Variants in PTPRD observed in about 807,000 individuals in gnomAD.
PTPRD encodes receptor-type tyrosine-protein phosphatase delta.
A neutral mutation model predicts 214.5 loss-of-function variants in PTPRD; 34 were observed. The ratio of observed to expected loss-of-function variants is 0.16; its 90% CI spans 0.12 to 0.21. PTPRD has a LOEUF of 0.21. Among genes scored for constraint, PTPRD ranks in the 10% least tolerant of loss-of-function variants. PTPRD has a pLI of 1.00. For synonymous variants in PTPRD, 1,128 were observed against 845.7 expected, an observed-to-expected ratio of 1.33 and a Z score of -5.79; for missense variants, 2,545 against 2,398.7, an observed-to-expected ratio of 1.06 and a Z score of -1.27.
At position 9,623,251 on chromosome 9, in the gene PTPRD, A is replaced by T. The variant is rs531018700; in HGVS notation, c.-286-48470T>A. On this transcript the variant is annotated intron_variant, in intron 7 of 45. Transcript: ENST00000381196. ...TATGAATCAAGAAACAGAGACTTAAAAGAAACTGGGTGGTTCTTTCAGTTT... is the reference window on the plus strand; with the variant it reads ...TATGAATCAAGAAACAGAGACTTAATAGAAACTGGGTGGTTCTTTCAGTTT... Among the ~76,000 whole-genome samples, 58 of 152,342 alleles carry T rather than the reference A, an allele frequency of 3.8e-4. 1 individual carries two copies. Among genetic ancestry groups the T allele is most frequent in the Non-Finnish European group, 7.4e-4 (50 of 68,022 alleles).
At chr9:9,437,392 G>T (rs933914254) in intron 8 of PTPRD, among the ~76,000 whole-genome samples, 1 of 152,042 alleles carries the variant, frequency 6.6e-6, no homozygotes, top group Non-Finnish European at 1.5e-5. Flanking sequence ...GGAGCTATTG[G>T]CTAGATGGCT....
intron 14 of PTPRD, among the ~76,000 whole-genome samples, chr9:8,543,036 G>A (rs1458640511): frequency 1.3e-5 from 2 of 152,168 alleles, no homozygotes; most frequent in Admixed American, 6.5e-5. Context: ...AATAATTTGA[G>A]TTGTGTTCCT....
chr9:9,758,531 C>T (rs1382365997), intron 6 of PTPRD, among the ~76,000 whole-genome samples: 1 of 152,102 alleles, frequency 6.6e-6, no homozygotes, highest in African/African-American at 2.4e-5. Flanking sequence ...GTGTGAGTTC[C>T]AGGTTCTCAG....
At chr9:9,592,118 A>G (rs146810659) in intron 7 of PTPRD, among the ~76,000 whole-genome samples, 51 of 152,142 alleles carry the variant, frequency 3.4e-4, no homozygotes, top group African/African-American at 1.0e-3. Context: ...TCTCAAAATT[A>G]TTTAGCCATT....
chr9:8,335,577 T>G (rs1253373065), intron 43 of PTPRD, among the ~76,000 whole-genome samples: 1 of 152,156 alleles, frequency 6.6e-6, no homozygotes, highest in Non-Finnish European at 1.5e-5. Flanking sequence ...CTTTGAAAAC[T>G]GGCACAAGAC....
At chr9:10,340,076 T>A (rs1343917885) in intron 3 of PTPRD, among the ~76,000 whole-genome samples, 1 of 151,708 alleles carries the variant, frequency 6.6e-6, no homozygotes, top group African/African-American at 2.4e-5. Flanking sequence ...ATACATCTCA[T>A]CCAAAAAAAT....
intron 5 of PTPRD, among the ~76,000 whole-genome samples, chr9:9,889,531 C>T (rs1487498276): frequency 6.6e-5 from 10 of 152,118 alleles, no homozygotes. Context: ...GCCCAGAGAA[C>T]ACCAAGCCTC....
chr9:10,344,406 G>C (rs2097022544), intron 2 of PTPRD, among the ~76,000 whole-genome samples: 1 of 152,088 alleles, frequency 6.6e-6, no homozygotes, highest in Non-Finnish European at 1.5e-5. Context: ...TTTGGTACCA[G>C]CACCATGCTG....
intron 9 of PTPRD, among the ~76,000 whole-genome samples, chr9:9,318,906 T>C (rs1398216790): frequency 2.0e-5 from 3 of 152,186 alleles, no homozygotes; most frequent in African/African-American, 4.8e-5. Flanking sequence ...GATTCATGCA[T>C]TGATTTATGC....
chr9:10,278,087 G>A (rs1267323871), intron 3 of PTPRD, among the ~76,000 whole-genome samples: 2 of 151,726 alleles, frequency 1.3e-5, no homozygotes, highest in African/African-American at 4.8e-5. Flanking sequence ...GTGAACTTGG[G>A]AGGTGGAGCG....
intron 44 of PTPRD, among the ~76,000 whole-genome samples, chr9:8,328,017 C>G (rs893040771): frequency 6.6e-6 from 1 of 152,150 alleles, no homozygotes; most frequent in Non-Finnish European, 1.5e-5. Flanking sequence ...AGCCTATTTA[C>G]ATTTAAGGTT....
At chr9:9,083,758 T>C (rs1385665572) in intron 10 of PTPRD, among the ~76,000 whole-genome samples, 30 of 152,180 alleles carry the variant, frequency 2.0e-4, no homozygotes, top group Admixed American at 2.0e-3. Flanking sequence ...GAATAGACAC[T>C]TCTCAAAAGA....
intron 9 of PTPRD, among the ~76,000 whole-genome samples, chr9:9,358,448 A>C (rs533205145): frequency 1.3e-5 from 2 of 151,308 alleles, no homozygotes; most frequent in East Asian, 3.9e-4. Flanking sequence ...ATATTCCTGG[A>C]AACATTTTAG....
chr9:10,586,065 T>A (rs893189820), intron 2 of PTPRD, among the ~76,000 whole-genome samples: 2 of 152,090 alleles, frequency 1.3e-5, no homozygotes, highest in East Asian at 3.8e-4. Context: ...ATAGGTAAGA[T>A]GTTCTTTTCA....
At chr9:10,437,652 A>C (rs2098728857) in intron 2 of PTPRD, among the ~76,000 whole-genome samples, 1 of 151,682 alleles carries the variant, frequency 6.6e-6, no homozygotes, top group Admixed American at 6.6e-5. Context: ...AATATCTGTT[A>C]TTGAGCAAAC....
At chr9:8,494,369 T>C (rs2097214080) in intron 26 of PTPRD, among the ~76,000 whole-genome samples, 1 of 152,174 alleles carries the variant, frequency 6.6e-6, no homozygotes, top group Admixed American at 6.5e-5. Context: ...GCCAGATAAA[T>C]GGACTATTTG....
rs1009459571 is a variant in PTPRD, at chr9:9,021,219, A to G, written c.-142-2484T>C. Among the ~76,000 whole-genome samples, 4 of 152,306 alleles carry G rather than the reference A, an allele frequency of 2.6e-5. No individual in the cohort carries two copies. In the East Asian group the frequency reaches 5.8e-4, roughly 22 times the overall value. On this transcript the variant is annotated intron_variant, in intron 10 of 45. Coordinates refer to ENST00000381196, the MANE Select transcript of PTPRD (RefSeq NM_002839.4). ...GAAGTACAGTTATGTGCTGCATAAC[A>G]TATCAGTCAGCAATGGACTGCATAT...
At chr9:10,584,833 A>C (rs2073373256) in intron 2 of PTPRD, among the ~76,000 whole-genome samples, 1 of 152,204 alleles carries the variant, frequency 6.6e-6, no homozygotes, top group Non-Finnish European at 1.5e-5. Flanking sequence ...CCAGTTGTTC[A>C]ATGCAAGGAA....
rs534449298 is a variant in PTPRD, at chr9:8,428,080, C to T, written c.4086+8512G>A. Among the ~76,000 whole-genome samples, 9 of 152,226 alleles carry T rather than the reference C, an allele frequency of 5.9e-5. No individual in the cohort carries two copies. In the South Asian group the frequency reaches 1.9e-3, roughly 32 times the overall value. ...AAATACAGAGAGGTTCAGTCATTTG[C>T]TTAAGGTCACACAGTTTGAGCTAGG... On this transcript the variant is annotated intron_variant, in intron 35 of 45. Coordinates refer to ENST00000381196, the MANE Select transcript of PTPRD (RefSeq NM_002839.4).
Sources: gnomAD v4.1 joint callset for allele counts (sites outside exome capture counted in the v4.1 genomes callset) on GRCh38, gnomAD v4.1.1 for gene constraint, MANE v1.5 for transcripts, NCBI Gene and HGNC (gene_info 2026-07-23, HGNC 2026-07-21) for gene names.